The following ZFHX3 variants were observed in gnomAD, a reference collection of about 807,000 sequenced individuals.
The protein encoded by ZFHX3 is zinc finger homeobox 3.
ZFHX3 carries 42 observed loss-of-function variants against 279.1 expected under a neutral mutation model. The ratio of observed to expected loss-of-function variants is 0.15; its 90% CI spans 0.12 to 0.19. The LOEUF is 0.19. Among genes scored for constraint, ZFHX3 ranks in the 10% least tolerant of loss-of-function variants. ZFHX3 has a pLI of 1.00. For synonymous variants in ZFHX3, 2,293 were observed against 1,957.8 expected, an observed-to-expected ratio of 1.17 and a Z score of -4.52; for missense variants, 4,981 against 4,754.0, an observed-to-expected ratio of 1.05 and a Z score of -1.40.
rs748545102 is a variant in ZFHX3, at chr16:72,958,228, C to G, written c.1918G>C (p.Val640Leu). The change falls in exon 2 of 10, where the codon GTG becomes CTG. Residue 640 changes from valine (V) to leucine (L), a missense_variant. Physicochemically the swap from Val to Leu is conservative, Grantham distance 32 (BLOSUM62 1). Transcript: ENST00000268489. ...GVGECPSGSG[V>L]ECPKCDTVLG... ...ACCGTGTCGCATTTGGGGCACTCCACGCCACTCCCCGAGGGGCACTCCCCA... is the reference window on the plus strand; with the variant it reads ...ACCGTGTCGCATTTGGGGCACTCCAGGCCACTCCCCGAGGGGCACTCCCCA... 12 of 1,612,568 alleles carry G rather than the reference C, an allele frequency of 7.4e-6. No homozygotes were observed. Among genetic ancestry groups the G allele is most frequent in the Non-Finnish European group, 1.0e-5 (12 of 1,178,724 alleles).
chr16:73,001,386 T>A (rs570559317), intron 1 of ZFHX3, among the ~76,000 whole-genome samples: 210 of 152,324 alleles, frequency 1.4e-3, no homozygotes, highest in Non-Finnish European at 2.3e-3. Context: ...GGGACCCAGC[T>A]ACGCCACAGC....
intron 3 of ZFHX3, among the ~76,000 whole-genome samples, chr16:72,950,027 G>C (rs1960903493): frequency 6.9e-6 from 1 of 144,522 alleles, no homozygotes; most frequent in Non-Finnish European, 1.5e-5. Context: ...ATGGATGGAT[G>C]AAAGAAGGAA....
intron 3 of ZFHX3, among the ~76,000 whole-genome samples, chr16:72,905,359 C>G (rs776524294): frequency 1.3e-5 from 2 of 152,150 alleles, no homozygotes; most frequent in Non-Finnish European, 2.9e-5. Flanking sequence ...CGCCCCTCCC[C>G]ACCAATCAGC....
intron 4 of ZFHX3, among the ~76,000 whole-genome samples, chr16:72,866,377 A>C (rs2038024603): frequency 6.6e-6 from 1 of 152,230 alleles, no homozygotes; most frequent in South Asian, 2.1e-4. Flanking sequence ...TATAGGTAAA[A>C]GAATTGAGGC....
chr16:73,477,174 C>T (rs1450841012), intron 2 of ZFHX3, among the ~76,000 whole-genome samples: 1 of 152,202 alleles, frequency 6.6e-6, no homozygotes, highest in Admixed American at 6.5e-5. Flanking sequence ...CATGTGAATT[C>T]ATCTATAGGA....
Position 72,864,073 on chromosome 16 carries a change from T to G in ZFHX3, c.3448+25658A>C, listed in dbSNP as rs572122460. On this transcript the variant is annotated intron_variant, in intron 4 of 9. Coordinates refer to ENST00000268489, the MANE Select transcript of ZFHX3 (RefSeq NM_006885.4). ...CAGAGCTTGCAGTGAGCCGAGACAGTGCCACTTGCAGTCCGGCCTGGGCGA... is the reference window on the plus strand; with the variant it reads ...CAGAGCTTGCAGTGAGCCGAGACAGGGCCACTTGCAGTCCGGCCTGGGCGA... Among the ~76,000 whole-genome samples, 9 of 152,126 alleles carry G rather than the reference T, an allele frequency of 5.9e-5. No homozygotes were observed. The East Asian group carries it at 1.6e-3, about 26-fold the overall frequency.
intron 2 of ZFHX3, among the ~76,000 whole-genome samples, chr16:73,474,189 C>T (rs1005933978): frequency 6.6e-6 from 1 of 151,814 alleles, no homozygotes; most frequent in African/African-American, 2.4e-5. Flanking sequence ...ACTCTGTCAC[C>T]CAGGCTGGAG....
rs11860959 is a variant in ZFHX3 at position 72,965,774 on chromosome 16, T to C, written c.-49-5580A>G. 3.6e-3 allele frequency among the ~76,000 whole-genome samples: 551 copies of C among 152,334 alleles called. 5 individuals carry two copies. The highest frequency in any genetic ancestry group is 0.013 in the African/African-American group (535 of 41,570). Reference sequence around the variant, plus strand: ...GATATGGAAATACTTCAAGAATATGTTGTAAAGCATATACTGTAAGTTCTT... The same window carrying C: ...GATATGGAAATACTTCAAGAATATGCTGTAAAGCATATACTGTAAGTTCTT... On this transcript the variant is annotated intron_variant, in intron 1 of 9. Transcript: ENST00000268489.
intron 5 of ZFHX3, among the ~76,000 whole-genome samples, chr16:73,166,332 G>T (rs377572661): frequency 6.6e-6 from 1 of 152,194 alleles, no homozygotes; most frequent in African/African-American, 2.4e-5. Context: ...AAGAGATTCC[G>T]AGTCGGGTTT....
chr16:73,020,394 GA>G (rs5817827), intron 1 of ZFHX3, among the ~76,000 whole-genome samples: 42,778 of 151,940 alleles, frequency 0.28, 6,098 homozygotes, highest in East Asian at 0.3. Flanking sequence ...TTTCTCACAA[GA>G]AATTTCCCAA....
intron 1 of ZFHX3, among the ~76,000 whole-genome samples, chr16:73,837,363 G>A (rs114031451): frequency 6.6e-6 from 1 of 152,126 alleles, no homozygotes; most frequent in African/African-American, 2.4e-5. Flanking sequence ...ACTGCTCTTT[G>A]ACTAACAGGC....
chr16:73,433,422 A>G (rs1398715828), intron 3 of ZFHX3, among the ~76,000 whole-genome samples: 3 of 152,168 alleles, frequency 2.0e-5, no homozygotes, highest in Non-Finnish European at 2.9e-5. Flanking sequence ...ACCGCATCAA[A>G]AACATGCACA....
At chr16:73,706,397 A>T (rs1391071254) in intron 1 of ZFHX3, among the ~76,000 whole-genome samples, 1 of 151,088 alleles carries the variant, frequency 6.6e-6, no homozygotes, top group Non-Finnish European at 1.5e-5. Context: ...GAAAGGTTGC[A>T]GCGAGCCTAG....
intron 3 of ZFHX3, among the ~76,000 whole-genome samples, chr16:73,427,513 A>G (rs548769079): frequency 1.3e-5 from 2 of 152,214 alleles, no homozygotes; most frequent in Admixed American, 6.5e-5. Context: ...GCAAAAGGCC[A>G]TGCTCATTTC....
rs1316763570 is a variant in ZFHX3 at position 73,440,758 on chromosome 16, C to T, written c.-1291+15245G>A. 2.0e-5 allele frequency among the ~76,000 whole-genome samples: 3 copies of T among 152,174 alleles called. 1 individual carries two copies. The highest frequency in any genetic ancestry group is 4.4e-5 in the Non-Finnish European group (3 of 68,028). On this transcript the variant is annotated intron_variant, in intron 3 of 17. Coordinates refer to the ZFHX3 transcript ENST00000641206. ...CCTTTCAAATGGCTTTGAAAAAATC[C>T]ATCAGTCTCTCAAAATCTGTTTAGC... is the stretch of plus-strand genomic sequence containing the variant.
intron 1 of ZFHX3, among the ~76,000 whole-genome samples, chr16:73,018,048 C>A (rs145863754): frequency 1.3e-5 from 2 of 151,098 alleles, no homozygotes; most frequent in Non-Finnish European, 2.9e-5. Flanking sequence ...TCCAGTGGCA[C>A]GATCATGGCT....
chr16:72,855,371 T>G (rs75522733), intron 4 of ZFHX3, among the ~76,000 whole-genome samples: 4,511 of 152,278 alleles, frequency 0.03, 480 homozygotes, highest in East Asian at 0.2. Flanking sequence ...GCATTACATA[T>G]GAAACCACCA....
intron 2 of ZFHX3, among the ~76,000 whole-genome samples, chr16:73,524,697 G>A (rs905642760): frequency 8.5e-5 from 13 of 152,280 alleles, no homozygotes; most frequent in African/African-American, 2.6e-4. Flanking sequence ...CTGGCCTTCC[G>A]TGAGCTCCCT....
At chr16:73,171,511 G>C (rs1346087506) in intron 5 of ZFHX3, among the ~76,000 whole-genome samples, 1 of 135,566 alleles carries the variant, frequency 7.4e-6, no homozygotes, top group Non-Finnish European at 1.6e-5. Context: ...GCGGGGTGGG[G>C]GGCGGGCAGA....
Sources: gnomAD v4.1 joint callset for allele counts (sites outside exome capture counted in the v4.1 genomes callset) on GRCh38, gnomAD v4.1.1 for gene constraint, MANE v1.5 for transcripts, NCBI Gene and HGNC (gene_info 2026-07-23, HGNC 2026-07-21) for gene names.